ALDH3B1: variants seen among roughly 807,000 people sequenced by gnomAD.
The protein encoded by ALDH3B1 is aldehyde dehydrogenase 3 family member B1.
Under a neutral mutation model 46.2 loss-of-function variants are expected in ALDH3B1, and 37 were observed. The observed-to-expected ratio is 0.80, with a 90% CI of 0.62 to 1.05. The LOEUF is 1.05. Among genes scored for constraint, ALDH3B1 ranks in the 50% least tolerant of loss-of-function variants. ALDH3B1 has a pLI of 0.00. For synonymous variants in ALDH3B1, 283 were observed against 281.0 expected, an observed-to-expected ratio of 1.01 and a Z score of -0.07; for missense variants, 603 against 665.5, an observed-to-expected ratio of 0.91 and a Z score of 1.03.
chr11:68,023,303 CTTTT>C (rs34494820), intron 8 of ALDH3B1, among the ~76,000 whole-genome samples: 1 of 119,000 alleles, frequency 8.4e-6, no homozygotes. Flanking sequence ...TCCACTTGAA[CTTTT>C]TTTTTTTTTT....
chr11:68,019,581 C>A, intron 5 of ALDH3B1, 134 bp from the exon 6 acceptor site: 1 of 983,928 alleles, frequency 1.0e-6, no homozygotes, highest in Non-Finnish European at 1.5e-6. Flanking sequence ...TTGCCTCCAC[C>A]CAACCCTCCT....
intron 2 of ALDH3B1, chr11:68,018,199 C>T (rs867926478): frequency 1.1e-5 from 4 of 358,164 alleles, no homozygotes; most frequent in East Asian, 6.4e-5. Flanking sequence ...CACCTGTGCA[C>T]GCCCACAGCC....
At chr11:68,014,511 C>G (rs371709109) in intron 1 of ALDH3B1, among the ~76,000 whole-genome samples, 1 of 152,172 alleles carries the variant, frequency 6.6e-6, no homozygotes, top group East Asian at 1.9e-4. Context: ...TGTCTAGGCC[C>G]CTACCCTGCC....
intron 1 of ALDH3B1, among the ~76,000 whole-genome samples, chr11:68,013,684 C>T (rs541340717): frequency 2.0e-5 from 3 of 152,296 alleles, no homozygotes; most frequent in South Asian, 4.1e-4. Context: ...ATGAGGAAAC[C>T]GAGGCAGAGA....
chr11:68,022,129 T>C (rs540500538), intron 7 of ALDH3B1, among the ~76,000 whole-genome samples: 3 of 152,298 alleles, frequency 2.0e-5, no homozygotes, highest in Non-Finnish European at 4.4e-5. Context: ...CGTGCTAAGA[T>C]GAACTCCCAT....
At chr11:68,026,347 G>A (rs1180139840) in intron 9 of ALDH3B1, among the ~76,000 whole-genome samples, 1 of 152,082 alleles carries the variant, frequency 6.6e-6, no homozygotes, top group Non-Finnish European at 1.5e-5. Flanking sequence ...GACCATCTCT[G>A]CACAGACACA....
intron 1 of ALDH3B1, chr11:68,014,908 C>T (rs1266917218): frequency 1.1e-5 from 2 of 186,746 alleles, no homozygotes; most frequent in Non-Finnish European, 2.2e-5. Flanking sequence ...CAGGGCAGGG[C>T]AGAGGCCATG....
At chr11:68,019,971 C>G (rs1857451637) in intron 6 of ALDH3B1, among the ~76,000 whole-genome samples, 175 bp downstream of exon 6, 1 of 152,120 alleles carries the variant, frequency 6.6e-6, no homozygotes, top group African/African-American at 2.4e-5. Flanking sequence ...GATGGAGTCC[C>G]ATGTCCAGGG....
In ALDH3B1 at chr11:68,027,884, T is replaced by G; in HGVS notation, c.1352T>G (p.Leu451Arg). The change falls in exon 10 of 10, where the codon CTG becomes CGG. Residue 451 changes from leucine (L) to arginine (R), a missense_variant. Physicochemically the swap from Leu to Arg is moderately radical, Grantham distance 102. Transcript: ENST00000342456. ...TACCCGCCGCAATCGCCGCGCCGCC[T>G]GAGGATGCTGCTGGTGGCCATGGAG... is the stretch of plus-strand genomic sequence containing the variant. ...LRYPPQSPRR[L>R]RMLLVAMEAQ... 11 of 1,564,100 alleles carry G rather than the reference T, an allele frequency of 7.0e-6. No homozygotes were observed. The highest frequency in any genetic ancestry group is 9.5e-6 in the Non-Finnish European group (11 of 1,156,706).
chr11:68,024,258 C>T (rs985870631), intron 8 of ALDH3B1: 15 of 152,200 alleles, frequency 9.9e-5, no homozygotes, highest in Non-Finnish European at 1.8e-4. Context: ...TCTGGGGCAC[C>T]TGAGATGCAC....
Position 68,018,861 on chromosome 11 carries a change from C to A in ALDH3B1, c.362C>A (p.Thr121Lys). The A allele has an allele frequency of 6.4e-7, 1 of 1,562,432 alleles. No homozygotes were observed. The highest frequency in any genetic ancestry group is 8.7e-7 in the Non-Finnish European group (1 of 1,153,728). Residue 121 changes from threonine (T) to lysine (K), a missense_variant, in exon 4 of 10, where the codon ACG becomes AAG. Thr to Lys is a moderately conservative substitution (Grantham distance 78). Coordinates refer to ENST00000342456, the MANE Select transcript of ALDH3B1 (RefSeq NM_000694.4). ...CCCTGGAACTATCCGCTGAACCTGA[C>A]GCTGGTGCCCCTCGTGGGAGCCCTC... ...IAPWNYPLNL[T>K]LVPLVGALAA...
chr11:68,017,091 C>T (rs1239089313), intron 2 of ALDH3B1: 2 of 152,354 alleles, frequency 1.3e-5, no homozygotes, highest in Non-Finnish European at 2.9e-5. Flanking sequence ...AGAAGAGGCT[C>T]AGAGAGAGTG....
intron 1 of ALDH3B1, chr11:68,015,035 T>C: frequency 2.6e-6 from 1 of 389,848 alleles, no homozygotes; most frequent in African/African-American, 2.1e-5. Context: ...TGCAGCCGCC[T>C]CCAGGTCCAT....
chr11:68,029,035 A>G lies in ALDH3B1; in HGVS notation c.*1096A>G, dbSNP rs1425997213. ...CACCTCCCAAGTCCCACTTTTGAAC[A>G]AGCTGATGATTCTGAAACTGGCCCA... is the stretch of plus-strand genomic sequence containing the variant. On this transcript the variant is annotated 3_prime_UTR_variant, in exon 10 of 10. Coordinates refer to ENST00000342456, the MANE Select transcript of ALDH3B1 (RefSeq NM_000694.4). 1 of 152,210 alleles carries G rather than the reference A, an allele frequency of 6.6e-6. No individual in the cohort carries two copies. Among genetic ancestry groups the G allele is most frequent in the Non-Finnish European group, 1.5e-5 (1 of 68,050 alleles). 9.4% of individuals were successfully genotyped at this position (152,210 alleles called of 1,614,324 possible).
intron 9 of ALDH3B1, among the ~76,000 whole-genome samples, chr11:68,026,826 C>T (rs551274765): frequency 7.0e-4 from 106 of 152,332 alleles, no homozygotes; most frequent in Non-Finnish European, 1.2e-3. Context: ...GGGTCCATGC[C>T]CTTCCTGGAG....
intron 6 of ALDH3B1, among the ~76,000 whole-genome samples, chr11:68,020,458 C>A (rs1382927208): frequency 6.6e-6 from 1 of 152,152 alleles, no homozygotes; most frequent in South Asian, 2.1e-4. Context: ...TGGTCTCGAA[C>A]TCTTGGCCTC....
chr11:68,027,400 AGGAG>A (rs1857653230), intron 9 of ALDH3B1, among the ~76,000 whole-genome samples: 1 of 152,134 alleles, frequency 6.6e-6, no homozygotes, highest in Non-Finnish European at 1.5e-5. Flanking sequence ...CCACAACCTT[AGGAG>A]GGAGGTACCC....
In ALDH3B1 at chr11:68,019,103, C is replaced by T. The variant is rs1857424764; in HGVS notation, c.395-67C>T. 6.5e-6 allele frequency: 10 copies of T among 1,533,636 alleles called. No homozygotes were observed. The Admixed American group carries it at 1.5e-4, about 23-fold the overall frequency. ...AAAGTGGGTGAGGCTGATGCCTGCC[C>T]TGCAGGTGTGTGGAGACCAGGAGCT... On this transcript the variant is annotated intron_variant, in intron 4 of 9. Transcript: ENST00000342456.
At chr11:68,021,347 G>T (rs1857487382) in intron 6 of ALDH3B1, 138 bp from the exon 7 acceptor site, 16 of 1,308,484 alleles carry the variant, frequency 1.2e-5, no homozygotes, top group Admixed American at 9.4e-5. Context: ...GGGTGGCAGT[G>T]AGGAACAAGG....
Sources: allele counts gnomAD v4.1 joint callset (sites outside exome capture counted in the v4.1 genomes callset), GRCh38; gene constraint gnomAD v4.1.1; transcripts MANE v1.5; gene names NCBI Gene and HGNC (gene_info 2026-07-23, HGNC 2026-07-21).